The following EYS variants were observed in gnomAD, a reference collection of about 807,000 sequenced individuals.
The protein encoded by EYS is EGF-like photoreceptor maintenance factor.
In EYS, 250 loss-of-function variants were observed where a neutral mutation model predicts 282.1. That is an observed-to-expected ratio of 0.89 (90% CI 0.80 to 0.98). EYS has a LOEUF of 0.98. Among genes scored for constraint, EYS ranks in the 50% least tolerant of loss-of-function variants. The probability of loss-of-function intolerance (pLI) is 0.00; values close to 1 mark genes in which losing one functional copy is unlikely to be tolerated. For synonymous variants in EYS, 1,355 were observed against 1,282.9 expected (o/e 1.06, Z -1.20); for missense variants, 4,016 against 3,709.0 (o/e 1.08, Z -2.15).
At chr6:65,526,575 G>C (rs1203685889) in intron 2 of EYS, among the ~76,000 whole-genome samples, 4 of 152,136 alleles carry the variant, frequency 2.6e-5, no homozygotes, top group East Asian at 3.9e-4. Flanking sequence ...GGAGGCCGAG[G>C]GGGGTGGATC....
chr6:64,984,634 A>C (rs1770790162), intron 14 of EYS, among the ~76,000 whole-genome samples: 1 of 151,482 alleles, frequency 6.6e-6, no homozygotes, highest in Non-Finnish European at 1.5e-5. Flanking sequence ...CTAGCTATAC[A>C]TTATTGATAG....
intron 1 of EYS, among the ~76,000 whole-genome samples, chr6:65,695,841 C>T (rs577986333): frequency 6.6e-6 from 1 of 151,948 alleles, no homozygotes; most frequent in Non-Finnish European, 1.5e-5. Flanking sequence ...AGCAATTTGG[C>T]TATTCTATAT....
intron 2 of EYS, among the ~76,000 whole-genome samples, chr6:65,530,468 A>G (rs541923506): frequency 1.3e-5 from 2 of 152,318 alleles, no homozygotes; most frequent in East Asian, 3.9e-4. Flanking sequence ...CAAAGATTGC[A>G]TGGCTTAAAG....
At chr6:65,596,092 G>A (rs954204725) in intron 2 of EYS, among the ~76,000 whole-genome samples, 7 of 151,976 alleles carry the variant, frequency 4.6e-5, no homozygotes, top group Non-Finnish European at 7.4e-5. Context: ...CTACATGAGT[G>A]AGTGTGAAAG....
At chr6:65,496,806 A>T (rs939379046) in intron 2 of EYS, among the ~76,000 whole-genome samples, 1 of 152,050 alleles carries the variant, frequency 6.6e-6, no homozygotes, top group African/African-American at 2.4e-5. Flanking sequence ...TACTATAAAG[A>T]TCAATTAAAT....
chr6:63,811,981 A>G (rs1437437089), intron 36 of EYS, among the ~76,000 whole-genome samples: 1 of 152,150 alleles, frequency 6.6e-6, no homozygotes, highest in African/African-American at 2.4e-5. Context: ...TTGTAGCCCA[A>G]ACTATAATAT....
chr6:65,330,532 G>C, intron 11 of EYS: 1 of 983,972 alleles, frequency 1.0e-6, no homozygotes, highest in Non-Finnish European at 1.2e-6. Flanking sequence ...GAAGATTTCA[G>C]GGCAAAAAAA....
intron 1 of EYS, among the ~76,000 whole-genome samples, chr6:65,643,266 C>T (rs1199211290): frequency 6.6e-6 from 1 of 152,086 alleles, no homozygotes; most frequent in African/African-American, 2.4e-5. Flanking sequence ...TGCTGACTTT[C>T]CCCCACTTCT....
At chr6:65,432,396 A>G (rs1351525448) in intron 5 of EYS, among the ~76,000 whole-genome samples, 1 of 152,192 alleles carries the variant, frequency 6.6e-6, no homozygotes, top group African/African-American at 2.4e-5. Flanking sequence ...CACAAAACCT[A>G]TGATTATGTA....
intron 11 of EYS, among the ~76,000 whole-genome samples, chr6:65,317,825 C>CCTTCCTTTCTTTCTTT (rs1562092985): frequency 3.9e-4 from 32 of 81,254 alleles, no homozygotes; most frequent in African/African-American, 5.2e-4. Flanking sequence ...TTCCTTCCTT[C>CCTTCCTTTCTTTCTTT]CTTTCTTTCT....
chr6:65,472,058 T>TG (rs1251563520), intron 5 of EYS, among the ~76,000 whole-genome samples: 2 of 152,036 alleles, frequency 1.3e-5, no homozygotes, highest in African/African-American at 2.4e-5. Flanking sequence ...AAACAGTACA[T>TG]TTTTTTATGG....
chr6:64,777,130 C>T (rs1439472240), intron 22 of EYS, among the ~76,000 whole-genome samples: 2 of 152,108 alleles, frequency 1.3e-5, no homozygotes, highest in Non-Finnish European at 2.9e-5. Context: ...GGGGGAACCC[C>T]CATGATTCAA....
At chr6:63,755,248 GTT>G (rs1266224303) in intron 41 of EYS, among the ~76,000 whole-genome samples, 4 of 152,226 alleles carry the variant, frequency 2.6e-5, no homozygotes, top group Non-Finnish European at 2.9e-5. Context: ...TGGTGTTTTA[GTT>G]ATGAAGTCTT....
intron 22 of EYS, among the ~76,000 whole-genome samples, chr6:64,707,292 T>G (rs1308340157): frequency 4.6e-5 from 7 of 151,956 alleles, no homozygotes; most frequent in African/African-American, 1.5e-4. Context: ...GGAGCTAAGC[T>G]CTGAGGATGC....
intron 2 of EYS, among the ~76,000 whole-genome samples, chr6:65,557,027 A>C (rs1562257564): frequency 6.6e-6 from 1 of 152,232 alleles, no homozygotes; most frequent in Admixed American, 6.5e-5. Flanking sequence ...ATCAATATAA[A>C]GAGATTTTAG....
intron 29 of EYS, among the ~76,000 whole-genome samples, chr6:64,323,280 A>G (rs1770286217): frequency 6.6e-6 from 1 of 152,104 alleles, no homozygotes. Context: ...TATGTTACAC[A>G]TCCTATGTGA....
intron 30 of EYS, among the ~76,000 whole-genome samples, chr6:64,301,901 G>T (rs1769251148): frequency 6.6e-6 from 1 of 152,140 alleles, no homozygotes; most frequent in Non-Finnish European, 1.5e-5. Flanking sequence ...AAAAAGCTGA[G>T]GTTGGGGCCT....
chr6:64,144,511 C>G (rs957490597), intron 31 of EYS, among the ~76,000 whole-genome samples: 1 of 152,114 alleles, frequency 6.6e-6, no homozygotes, highest in Non-Finnish European at 1.5e-5. Flanking sequence ...GGCAGGCACC[C>G]TAATCCTAAC....
intron 35 of EYS, among the ~76,000 whole-genome samples, chr6:63,878,379 C>T (rs145586545): frequency 0.014 from 2,080 of 152,176 alleles, 17 homozygotes; most frequent in Middle Eastern, 0.027. Flanking sequence ...AGGTGTCAGT[C>T]GGCCCTTACT....
Sources: allele counts gnomAD v4.1 joint callset (sites outside exome capture counted in the v4.1 genomes callset), GRCh38; gene constraint gnomAD v4.1.1; transcripts MANE v1.5; gene names NCBI Gene and HGNC (gene_info 2026-07-23, HGNC 2026-07-21).